Variants in DDX47 observed in about 807,000 individuals in gnomAD.
DDX47 encodes the protein probable ATP-dependent RNA helicase DDX47.
In DDX47, 60 loss-of-function variants were observed where a neutral mutation model predicts 58.8. The ratio of observed to expected loss-of-function variants is 1.02; its 90% confidence interval spans 0.83 to 1.26. The LOEUF is 1.26. Among genes scored for constraint, DDX47 ranks in the 50% most tolerant of loss-of-function variants. DDX47 has a pLI of 0.00. For synonymous variants in DDX47, 197 were observed against 204.6 expected, an observed-to-expected ratio of 0.96 and a Z score of 0.32; for missense variants, 530 against 573.2, an observed-to-expected ratio of 0.92 and a Z score of 0.77.
At chr12:12,818,312 G>A (rs1207977554) in intron 2 of DDX47, among the ~76,000 whole-genome samples, 3 of 152,284 alleles carry the variant, frequency 2.0e-5, no homozygotes, top group Non-Finnish European at 2.9e-5. Context: ...ACGAGGTCAG[G>A]AGATCGAGAC....
At chr12:12,818,229 A>G (rs1304034473) in intron 2 of DDX47, among the ~76,000 whole-genome samples, 1 of 152,218 alleles carries the variant, frequency 6.6e-6, no homozygotes. Context: ...CTTTAAAAAA[A>G]TCAGTCCATT....
At chr12:12,827,517 G>A in intron 11 of DDX47, 142 bp downstream of exon 11, 1 of 998,690 alleles carries the variant, frequency 1.0e-6, no homozygotes, top group Non-Finnish European at 1.5e-6. Context: ...AAGGTGCAGA[G>A]ATGGTAGGTA....
At chr12:12,817,172 T>G (rs937287960) in intron 2 of DDX47, among the ~76,000 whole-genome samples, 1 of 152,266 alleles carries the variant, frequency 6.6e-6, no homozygotes, top group Non-Finnish European at 1.5e-5. Flanking sequence ...TTGGGACTAC[T>G]GACGTTTTCA....
Position 12,829,596 on chromosome 12 carries a change from G to A in DDX47, c.*42G>A. ...TCGAGTTCTGCTGTTCTGTAAAAGA[G>A]AATTGGAGAATGAAACCTGCTCCAA... On this transcript the variant is annotated 3_prime_UTR_variant, in exon 12 of 12. Transcript: ENST00000358007. 6.3e-7 allele frequency: 1 copy of A among 1,599,434 alleles called. No homozygotes were observed. The highest frequency in any genetic ancestry group is 8.5e-7 in the Non-Finnish European group (1 of 1,173,696).
rs765430640 is a variant in DDX47, at chr12:12,827,276, A to T, written c.1137A>T (p.Glu379Asp). 5 of 1,614,066 alleles carry T rather than the reference A, an allele frequency of 3.1e-6. No homozygotes were observed. The East Asian group carries it at 8.9e-5, about 29-fold the overall frequency. The change falls in exon 11 of 12, where the codon GAA becomes GAT. Residue 379 changes from glutamate (E) to aspartate (D), a missense_variant. Glu to Asp is a conservative substitution (Grantham distance 45). Coordinates refer to ENST00000358007, the MANE Select transcript of DDX47 (RefSeq NM_016355.4). Reference sequence around the variant, plus strand: ...ATGTGGAACTCTTCCAGCGCATAGAACACTTAATTGGGAAGAAACTACCAG... The same window carrying T: ...ATGTGGAACTCTTCCAGCGCATAGATCACTTAATTGGGAAGAAACTACCAG... ...QYDVELFQRI[E>D]HLIGKKLPGF... is the part of the protein sequence containing the mutation.
chr12:12,828,585 A>C (rs12578307), intron 11 of DDX47, among the ~76,000 whole-genome samples: 9,058 of 152,276 alleles, frequency 0.059, 409 homozygotes, highest in East Asian at 0.23. Context: ...GGTCTGAGGG[A>C]TGGAGAAACT....
intron 9 of DDX47, among the ~76,000 whole-genome samples, chr12:12,825,281 C>G (rs999012162): frequency 1.2e-4 from 18 of 152,262 alleles, no homozygotes; most frequent in African/African-American, 4.3e-4. Context: ...GCTTGTAGTG[C>G]TTAGTGTATC....
At chr12:12,821,174 G>C in intron 2 of DDX47, 34 bp from the exon 3 acceptor site, 1 of 1,604,618 alleles carries the variant, frequency 6.2e-7, no homozygotes, top group South Asian at 1.1e-5. Flanking sequence ...AGCGCAAAGA[G>C]ATTACTTGGC....
Position 12,826,011 on chromosome 12 carries a change from T to C in DDX47, c.1047T>C (p.His349=). 1 of 1,612,702 alleles carries C rather than the reference T, an allele frequency of 6.2e-7. No homozygotes were observed. Among genetic ancestry groups the C allele is most frequent in the Non-Finnish European group, 8.5e-7 (1 of 1,179,382 alleles). Reference sequence around the variant, plus strand: ...CCTTTTTGTTTTAGGATTACATCCATCGAGTAGGTCGAACAGCTAGAGCTG... The same window carrying C: ...CCTTTTTGTTTTAGGATTACATCCACCGAGTAGGTCGAACAGCTAGAGCTG... The part of the protein sequence containing the change: ...DIPTHSKDYI[H]RVGRTARAGR... The change falls in exon 10 of 12, where the codon CAT becomes CAC. Residue 349 remains histidine, a synonymous_variant. Coordinates refer to ENST00000358007, the MANE Select transcript of DDX47 (RefSeq NM_016355.4).
At chr12:12,815,143 A>G (rs1158001224) in intron 2 of DDX47, among the ~76,000 whole-genome samples, 5 of 152,224 alleles carry the variant, frequency 3.3e-5, no homozygotes, top group African/African-American at 9.6e-5. Context: ...AGCAATTGTT[A>G]TAAGAGGGGT....
rs1282616414 is a variant in DDX47, at chr12:12,827,235, T to C, written c.1107-11T>C. ...CCAGGCAACCAGAGCTGTGCAGTTT[T>C]CCTTCCTCAGGTATGATGTGGAACT... On this transcript the variant is annotated splice_polypyrimidine_tract_variant and intron_variant, in intron 10 of 11. Transcript: ENST00000358007. 6.2e-7 allele frequency: 1 copy of C among 1,612,954 alleles called. No individual in the cohort carries two copies. Among genetic ancestry groups the C allele is most frequent in the South Asian group, 1.1e-5 (1 of 90,760 alleles).
intron 9 of DDX47, among the ~76,000 whole-genome samples, chr12:12,825,380 G>A (rs971355302): frequency 4.6e-5 from 7 of 152,150 alleles, no homozygotes; most frequent in Non-Finnish European, 1.0e-4. Flanking sequence ...AGGATTCCTA[G>A]TAGCATTCCT....
intron 2 of DDX47, among the ~76,000 whole-genome samples, chr12:12,819,129 C>T (rs1862936202): frequency 6.6e-6 from 1 of 152,200 alleles, no homozygotes; most frequent in Admixed American, 6.5e-5. Flanking sequence ...TTTCTTGAAG[C>T]TGCCTTCCTC....
At chr12:12,815,031 A>G (rs951951348) in intron 2 of DDX47, among the ~76,000 whole-genome samples, 6 of 152,286 alleles carry the variant, frequency 3.9e-5, no homozygotes, top group African/African-American at 9.6e-5. Flanking sequence ...TTAGATTCCT[A>G]AAGTACCAAC....
intron 2 of DDX47, among the ~76,000 whole-genome samples, chr12:12,815,777 G>A (rs1862885996): frequency 6.6e-6 from 1 of 152,140 alleles, no homozygotes; most frequent in South Asian, 2.1e-4. Context: ...GGATTATGAA[G>A]GATTTGAGTG....
At chr12:12,814,267 C>A in intron 2 of DDX47, 43 bp downstream of exon 2, 1 of 1,175,586 alleles carries the variant, frequency 8.5e-7, no homozygotes, top group South Asian at 1.2e-5. Context: ...AAAGTTATCT[C>A]AATTAGATAC....
At position 12,827,119 on chromosome 12, in the gene DDX47, G is replaced by T. The variant is rs969283897; in HGVS notation, c.1107-127G>T. ...TTGCACTTAACCCATATTTAGAAAA[G>T]AAATAATATGTTCAATATTGTTTAA... On this transcript the variant is annotated intron_variant, in intron 10 of 11. Transcript: ENST00000358007. 3.3e-6 allele frequency: 4 copies of T among 1,226,282 alleles called. No homozygotes were observed. The South Asian group carries it at 4.6e-5, about 14-fold the overall frequency. 76.0% of individuals were successfully genotyped at this position (1,226,282 alleles called of 1,614,324 possible).
intron 10 of DDX47, 91 bp downstream of exon 10, chr12:12,826,161 C>A: frequency 3.0e-6 from 3 of 997,470 alleles, no homozygotes; most frequent in Non-Finnish European, 1.5e-6. Flanking sequence ...CCATTTACTA[C>A]ACTAATCACT....
intron 10 of DDX47, among the ~76,000 whole-genome samples, chr12:12,826,590 G>C (rs1052502812): frequency 6.6e-6 from 1 of 151,756 alleles, no homozygotes; most frequent in African/African-American, 2.4e-5. Context: ...TGGGACCACA[G>C]GTGCATGCCA....
Sources: allele counts gnomAD v4.1 joint callset (sites outside exome capture counted in the v4.1 genomes callset), GRCh38; gene constraint gnomAD v4.1.1; transcripts MANE v1.5; gene names NCBI Gene and HGNC (gene_info 2026-07-23, HGNC 2026-07-21).